TSPAN18: variants seen among roughly 807,000 people sequenced by gnomAD.
The protein encoded by TSPAN18 is tetraspanin-18.
A neutral mutation model predicts 27.3 loss-of-function variants in TSPAN18; 14 were observed. The ratio of observed to expected loss-of-function variants is 0.51; its 90% CI spans 0.34 to 0.80. The LOEUF is 0.80. Among genes scored for constraint, TSPAN18 ranks in the 30% least tolerant of loss-of-function variants. TSPAN18 has a pLI of 0.01. For missense variants in TSPAN18, 268 were observed against 323.9 expected (o/e 0.83, Z 1.32); for synonymous variants, 143 against 136.5 (o/e 1.05, Z -0.33).
intron 2 of TSPAN18, among the ~76,000 whole-genome samples, chr11:44,824,513 G>A (rs1856993799): frequency 1.3e-5 from 2 of 152,172 alleles, no homozygotes; most frequent in Non-Finnish European, 2.9e-5. Context: ...TGCCCTAACC[G>A]AATACCTCTG....
chr11:44,923,456 CG>C (rs1860222991), intron 8 of TSPAN18, among the ~76,000 whole-genome samples: 1 of 152,092 alleles, frequency 6.6e-6, no homozygotes, highest in South Asian at 2.1e-4. Flanking sequence ...GAAACCGTCA[CG>C]GGGTGGAGAT....
At chr11:44,774,274 A>AG (rs1855754526) in intron 2 of TSPAN18, among the ~76,000 whole-genome samples, 1 of 152,172 alleles carries the variant, frequency 6.6e-6, no homozygotes, top group South Asian at 2.1e-4. Context: ...CGGGAGAAGG[A>AG]GGGGGCAGAG....
At chr11:44,861,663 C>A (rs780293303) in intron 3 of TSPAN18, among the ~76,000 whole-genome samples, 1 of 151,692 alleles carries the variant, frequency 6.6e-6, no homozygotes, top group Admixed American at 6.6e-5. Context: ...TGTTGGGAGT[C>A]GGGGGCGATG....
At chr11:44,827,845 G>A (rs896630638) in intron 2 of TSPAN18, among the ~76,000 whole-genome samples, 4 of 152,206 alleles carry the variant, frequency 2.6e-5, no homozygotes, top group African/African-American at 7.2e-5. Flanking sequence ...AGGGACATGG[G>A]AAGCAGGGAT....
At chr11:44,910,213 G>GT (rs1193382945) in intron 5 of TSPAN18, among the ~76,000 whole-genome samples, 1 of 152,230 alleles carries the variant, frequency 6.6e-6, no homozygotes, top group Non-Finnish European at 1.5e-5. Context: ...TTTGGGACCT[G>GT]TTTTCTCCCT....
chr11:44,924,019 G>A (rs1049816194), intron 8 of TSPAN18, among the ~76,000 whole-genome samples: 1 of 152,162 alleles, frequency 6.6e-6, no homozygotes, highest in African/African-American at 2.4e-5. Context: ...CTTCTTGCCA[G>A]TTTCCCCGGG....
intron 2 of TSPAN18, among the ~76,000 whole-genome samples, chr11:44,837,915 C>T (rs562218486): frequency 1.8e-4 from 27 of 152,226 alleles, no homozygotes; most frequent in African/African-American, 6.5e-4. Context: ...AGTGGGAAAC[C>T]ACAAAATTTG....
At chr11:44,908,831 A>AAAGAGAGAAAGAAAG (rs1590671474) in intron 4 of TSPAN18, among the ~76,000 whole-genome samples, 1 of 96,160 alleles carries the variant, frequency 1.0e-5, no homozygotes, top group African/African-American at 4.2e-5. Context: ...AAGAAAGAAA[A>AAAGAGAGAAAGAAAG]AGAAAAATGG....
At chr11:44,872,425 A>T (rs1361569334) in intron 3 of TSPAN18, among the ~76,000 whole-genome samples, 2 of 152,220 alleles carry the variant, frequency 1.3e-5, no homozygotes, top group Admixed American at 6.5e-5. Flanking sequence ...TAGGGTTGCC[A>T]CGAGGATTCA....
intron 3 of TSPAN18, among the ~76,000 whole-genome samples, chr11:44,869,663 G>T (rs1324900888): frequency 1.3e-5 from 2 of 152,136 alleles, no homozygotes; most frequent in Non-Finnish European, 2.9e-5. Flanking sequence ...ACACGGCCAG[G>T]CCCCGTCCAT....
intron 2 of TSPAN18, among the ~76,000 whole-genome samples, chr11:44,851,575 G>T (rs7928632): frequency 0.22 from 33,224 of 147,782 alleles, 5,059 homozygotes; most frequent in Non-Finnish European, 0.34. Flanking sequence ...CTGCCATGAA[G>T]TTCCTCTGGG....
chr11:44,798,775 G>C (rs1231462124), intron 2 of TSPAN18, among the ~76,000 whole-genome samples: 1 of 152,230 alleles, frequency 6.6e-6, no homozygotes, highest in African/African-American at 2.4e-5. Flanking sequence ...ACATCCAAAA[G>C]AAATAGAGAG....
intron 3 of TSPAN18, among the ~76,000 whole-genome samples, chr11:44,862,512 C>A (rs567119887): frequency 1.6e-4 from 25 of 152,364 alleles, no homozygotes; most frequent in Non-Finnish European, 2.6e-4. Flanking sequence ...CTCAGCACCT[C>A]TGGGTCAATG....
At chr11:44,776,718 C>G (rs564328976) in intron 2 of TSPAN18, among the ~76,000 whole-genome samples, 4 of 151,432 alleles carry the variant, frequency 2.6e-5, no homozygotes, top group African/African-American at 7.4e-5. Context: ...AGTTCCCCGT[C>G]TATAAAGTGG....
At chr11:44,752,682 T>G (rs1855239730) in intron 1 of TSPAN18, among the ~76,000 whole-genome samples, 1 of 152,204 alleles carries the variant, frequency 6.6e-6, no homozygotes, top group Non-Finnish European at 1.5e-5. Context: ...AAATCTAGAA[T>G]GAACATGAGT....
intron 2 of TSPAN18, among the ~76,000 whole-genome samples, chr11:44,818,153 C>A (rs997717403): frequency 1.3e-5 from 2 of 152,220 alleles, no homozygotes; most frequent in African/African-American, 4.8e-5. Context: ...GTCAGGATAT[C>A]CCACTTTTGC....
At chr11:44,819,791 T>C (rs140752573) in intron 2 of TSPAN18, among the ~76,000 whole-genome samples, 241 of 151,832 alleles carry the variant, frequency 1.6e-3, no homozygotes, top group African/African-American at 5.3e-3. Flanking sequence ...TTACAATAAA[T>C]ATTGTGACAG....
chr11:44,928,890 G>A (rs1052751503), intron 9 of TSPAN18, among the ~76,000 whole-genome samples: 2 of 152,336 alleles, frequency 1.3e-5, no homozygotes, highest in African/African-American at 4.8e-5. Context: ...GCTATGTCAG[G>A]GAGCTGGATT....
intron 5 of TSPAN18, among the ~76,000 whole-genome samples, 157 bp downstream of exon 5, chr11:44,910,056 T>C (rs835998): frequency 0.85 from 129,897 of 152,160 alleles, 55,916 homozygotes; most frequent in Admixed American, 0.91. Context: ...TGAGCACGTC[T>C]GACCCCACTC....
Sources: gnomAD v4.1 joint callset for allele counts (sites outside exome capture counted in the v4.1 genomes callset) on GRCh38, gnomAD v4.1.1 for gene constraint, MANE v1.5 for transcripts, NCBI Gene and HGNC (gene_info 2026-07-23, HGNC 2026-07-21) for gene names.